Variants in PTPRK observed in about 807,000 individuals in gnomAD.
The protein encoded by PTPRK is receptor-type tyrosine-protein phosphatase kappa.
Under a neutral mutation model 178.0 loss-of-function variants are expected in PTPRK, and 75 were observed. The observed-to-expected ratio is 0.42, with a 90% CI of 0.35 to 0.51. The LOEUF (loss-of-function observed/expected upper bound fraction) is 0.51. PTPRK is among the 20% of genes least tolerant of loss of function. The pLI, the probability that PTPRK is intolerant of heterozygous loss-of-function variation, is 0.02. For missense variants in PTPRK, 1,441 were observed against 1,797.8 expected, an observed-to-expected ratio of 0.80 and a Z score of 3.59; for synonymous variants, 637 against 620.6, an observed-to-expected ratio of 1.03 and a Z score of -0.39.
At chr6:128,084,149 A>G (rs1157108975) in intron 8 of PTPRK, among the ~76,000 whole-genome samples, 2 of 152,090 alleles carry the variant, frequency 1.3e-5, no homozygotes, top group Non-Finnish European at 2.9e-5. Flanking sequence ...TAACGTGAGG[A>G]TCTTATTTGT....
rs145948071 is a variant in PTPRK at position 128,497,349 on chromosome 6, C to T, written c.100+22910G>A. 2.0e-3 allele frequency among the ~76,000 whole-genome samples: 308 copies of T among 152,294 alleles called. 1 individual carries two copies. The highest frequency in any genetic ancestry group is 3.4e-3 in the Middle Eastern group (1 of 294). On this transcript the variant is annotated intron_variant, in intron 1 of 29. Transcript: ENST00000368226. ...TTTATGCTGAGCTCAGTGGTTCACA[C>T]CTGTAATACCAGCTACTCTGGAGGC...
intron 1 of PTPRK, among the ~76,000 whole-genome samples, chr6:128,428,379 G>A (rs184834005): frequency 5.3e-5 from 8 of 152,256 alleles, no homozygotes; most frequent in East Asian, 1.9e-4. Context: ...AAAGCCTATC[G>A]TTATCTATTC....
At chr6:128,009,931 T>C (rs1023742869) in intron 13 of PTPRK, among the ~76,000 whole-genome samples, 1 of 151,196 alleles carries the variant, frequency 6.6e-6, no homozygotes, top group Non-Finnish European at 1.5e-5. Context: ...AACTTCTTTG[T>C]ATGCCCTAAC....
At chr6:128,228,147 A>C (rs1562828230) in intron 5 of PTPRK, among the ~76,000 whole-genome samples, 1 of 151,742 alleles carries the variant, frequency 6.6e-6, no homozygotes, top group African/African-American at 2.4e-5. Context: ...AGAAATAGAG[A>C]GGGAAAAAAA....
chr6:128,492,011 C>CT (rs778123290), intron 1 of PTPRK, among the ~76,000 whole-genome samples: 13 of 152,232 alleles, frequency 8.5e-5, no homozygotes, highest in Middle Eastern at 6.8e-3. Context: ...TATCACTCCC[C>CT]TGCCTATCTG....
At chr6:128,500,887 T>A (rs1200570022) in intron 1 of PTPRK, 1 of 152,200 alleles carries the variant, frequency 6.6e-6, no homozygotes, top group Non-Finnish European at 1.5e-5. Flanking sequence ...GCTCAAGCAA[T>A]CCTCCTGCCT....
chr6:128,212,990 G>A (rs1239229283), intron 6 of PTPRK, among the ~76,000 whole-genome samples: 2 of 151,924 alleles, frequency 1.3e-5, no homozygotes, highest in African/African-American at 4.8e-5. Flanking sequence ...TAGAGTTTCA[G>A]TAATTATATG....
intron 6 of PTPRK, among the ~76,000 whole-genome samples, chr6:128,193,176 A>T (rs1230494401): frequency 6.7e-6 from 1 of 150,096 alleles, no homozygotes; most frequent in Non-Finnish European, 1.5e-5. Context: ...AGCACCTACA[A>T]ATTGTTACTC....
intron 3 of PTPRK, among the ~76,000 whole-genome samples, chr6:128,263,625 A>T (rs1445501589): frequency 6.6e-6 from 1 of 152,226 alleles, no homozygotes; most frequent in Non-Finnish European, 1.5e-5. Context: ...TATTTAGTAC[A>T]GTTTCTAAAA....
At chr6:128,392,620 T>C (rs1395107987) in intron 2 of PTPRK, among the ~76,000 whole-genome samples, 1 of 152,104 alleles carries the variant, frequency 6.6e-6, no homozygotes, top group Non-Finnish European at 1.5e-5. Flanking sequence ...AGAACACACA[T>C]GTCTTTGAGA....
At chr6:128,082,096 C>A (rs1048891842) in intron 10 of PTPRK, among the ~76,000 whole-genome samples, 3 of 151,890 alleles carry the variant, frequency 2.0e-5, no homozygotes, top group African/African-American at 7.3e-5. Context: ...TGATAACATT[C>A]ATTTAGAGTA....
In PTPRK at chr6:128,167,407, GAATGTATAA is replaced by G. The variant is rs1447211203; in HGVS notation, c.1162+17016_1162+17024del. 4.0e-5 allele frequency among the ~76,000 whole-genome samples: 6 copies of G among 151,772 alleles called. No homozygotes were observed. The South Asian group carries it at 1.0e-3, about 26-fold the overall frequency. ...GACTTATTTCTAAATTGAACAAAAG[GAATGTATAA>G]AATTGTTTTCTTATATATTATTCTA... On this transcript the variant is annotated intron_variant, in intron 7 of 29. Transcript: ENST00000368226.
intron 2 of PTPRK, among the ~76,000 whole-genome samples, chr6:128,373,901 A>T (rs183291162): frequency 1.4e-4 from 21 of 152,268 alleles, no homozygotes; most frequent in African/African-American, 4.8e-4. Flanking sequence ...ATTTTATCTT[A>T]TGTTACAATT....
At chr6:128,407,760 T>A (rs1841861694) in intron 1 of PTPRK, among the ~76,000 whole-genome samples, 1 of 151,664 alleles carries the variant, frequency 6.6e-6, no homozygotes, top group African/African-American at 2.4e-5. Context: ...CTCTAAAACA[T>A]AATGACCAAG....
chr6:128,044,109 A>G (rs1266096193), intron 13 of PTPRK, among the ~76,000 whole-genome samples: 3 of 151,996 alleles, frequency 2.0e-5, no homozygotes, highest in African/African-American at 7.2e-5. Context: ...TCCTCATCCT[A>G]TCTGGGAAAG....
intron 12 of PTPRK, among the ~76,000 whole-genome samples, chr6:128,065,644 TAA>T (rs1417171833): frequency 3.3e-5 from 5 of 152,202 alleles, no homozygotes; most frequent in Admixed American, 1.3e-4. Flanking sequence ...TGATAATTTA[TAA>T]AAGAGTTTAC....
chr6:128,084,049 G>A (rs1279981682), intron 8 of PTPRK, among the ~76,000 whole-genome samples: 1 of 152,064 alleles, frequency 6.6e-6, no homozygotes, highest in African/African-American at 2.4e-5. Flanking sequence ...ATGTAGAAAT[G>A]CAAAGTTATT....
intron 13 of PTPRK, among the ~76,000 whole-genome samples, chr6:128,046,000 G>C (rs1411365034): frequency 1.3e-5 from 2 of 152,024 alleles, no homozygotes; most frequent in African/African-American, 4.8e-5. Context: ...TAATTTTTTA[G>C]TACCTTTATA....
intron 3 of PTPRK, among the ~76,000 whole-genome samples, chr6:128,290,126 C>G (rs1823143765): frequency 3.9e-5 from 6 of 152,072 alleles, no homozygotes; most frequent in Admixed American, 3.3e-4. Context: ...AGATGCGCTT[C>G]TTTGGTTAGA....
Sources: gnomAD v4.1 joint callset for allele counts (sites outside exome capture counted in the v4.1 genomes callset) on GRCh38, gnomAD v4.1.1 for gene constraint, MANE v1.5 for transcripts, NCBI Gene and HGNC (gene_info 2026-07-23, HGNC 2026-07-21) for gene names.